Variants in HPSE2 observed in about 807,000 individuals in gnomAD.
HPSE2 encodes inactive heparanase-2.
Under a neutral mutation model 60.5 loss-of-function variants are expected in HPSE2, and 38 were observed. The observed-to-expected ratio is 0.63, with a 90% CI of 0.48 to 0.82. The LOEUF (loss-of-function observed/expected upper bound fraction) is 0.82, where lower values mean the gene tolerates loss of function less well. Ranked by LOEUF, HPSE2 falls within the 40% of genes least tolerant of loss-of-function variation. The probability of loss-of-function intolerance (pLI) is 0.00; values close to 1 mark genes in which losing one functional copy is unlikely to be tolerated. For missense variants in HPSE2, 713 were observed against 740.4 expected (o/e 0.96, Z 0.43); for synonymous variants, 295 against 293.2 (o/e 1.01, Z -0.06).
In HPSE2 at chr10:98,929,617, C is replaced by T. The variant is rs1005070713; in HGVS notation, c.611-185561G>A. 7.0e-5 allele frequency among the ~76,000 whole-genome samples: 10 copies of T among 143,512 alleles called. 1 individual carries two copies. The highest frequency in any genetic ancestry group is 1.0e-4 in the Non-Finnish European group (7 of 67,084). The allele number at this position is 143,512 out of a possible 152,430, so 94.1% of individuals were successfully genotyped here. On this transcript the variant is annotated intron_variant, in intron 3 of 11. Coordinates refer to ENST00000370552, the MANE Select transcript of HPSE2 (RefSeq NM_021828.5). The stretch of plus-strand genomic sequence containing the variant: ...TGAAAGACTATAGATAAGAGGCTTG[C>T]TCTGGAGTGACCCAGAATTGTTTAA...
the HPSE2 span, among the ~76,000 whole-genome samples, chr10:99,280,899 G>A: frequency 6.6e-6 from 1 of 151,980 alleles, no homozygotes; most frequent in Non-Finnish European, 1.5e-5. Context: ...TATGTGTGAG[G>A]TACAGCTCTA....
intron 3 of HPSE2, among the ~76,000 whole-genome samples, chr10:98,850,507 C>T (rs1035998665): frequency 7.9e-5 from 12 of 151,960 alleles, no homozygotes; most frequent in East Asian, 5.8e-4. Flanking sequence ...GAGGCCGAAG[C>T]GGGCAGATCA....
chr10:99,222,193 A>G (rs559535613), intron 2 of HPSE2, among the ~76,000 whole-genome samples: 34 of 152,248 alleles, frequency 2.2e-4, no homozygotes, highest in Admixed American at 8.5e-4. Flanking sequence ...CTGCTATGTT[A>G]TAACAGGGGT....
intron 4 of HPSE2, among the ~76,000 whole-genome samples, chr10:98,742,885 C>T (rs1949533735): frequency 6.6e-6 from 1 of 151,880 alleles, no homozygotes; most frequent in South Asian, 2.1e-4. Context: ...CTATGAGTCC[C>T]CTCGTTAAAA....
At chr10:99,264,244 T>A in the HPSE2 span, among the ~76,000 whole-genome samples, 2 of 152,012 alleles carry the variant, frequency 1.3e-5, no homozygotes, top group African/African-American at 4.8e-5. Context: ...CCCACCACCA[T>A]GCCCGGCTAA....
the HPSE2 span, among the ~76,000 whole-genome samples, chr10:99,268,398 C>A: frequency 1.3e-5 from 2 of 152,000 alleles, no homozygotes; most frequent in African/African-American, 2.4e-5. Context: ...AATCCCAGCA[C>A]TTTGGGAGGC....
chr10:99,297,551 T>C, the HPSE2 span, among the ~76,000 whole-genome samples: 1 of 152,270 alleles, frequency 6.6e-6, no homozygotes, highest in African/African-American at 2.4e-5. Flanking sequence ...CATTGTATTG[T>C]TCCATCAGTC....
At chr10:98,511,989 T>C (rs1253757985) in intron 9 of HPSE2, among the ~76,000 whole-genome samples, 1 of 152,210 alleles carries the variant, frequency 6.6e-6, no homozygotes. Flanking sequence ...TAGGCACAAA[T>C]GCTAAACCAG....
chr10:98,900,719 T>C (rs1448871479), intron 3 of HPSE2, among the ~76,000 whole-genome samples: 1 of 152,208 alleles, frequency 6.6e-6, no homozygotes, highest in Non-Finnish European at 1.5e-5. Flanking sequence ...TAATATTAAA[T>C]GTTGGTGAAG....
intron 3 of HPSE2, among the ~76,000 whole-genome samples, chr10:99,049,602 T>C (rs1244718297): frequency 1.3e-5 from 2 of 151,998 alleles, no homozygotes; most frequent in African/African-American, 4.8e-5. Context: ...CAGAGGGCAG[T>C]AGACTGACAT....
intron 3 of HPSE2, among the ~76,000 whole-genome samples, chr10:99,058,093 T>C (rs1181904808): frequency 2.0e-5 from 3 of 152,122 alleles, no homozygotes; most frequent in Non-Finnish European, 2.9e-5. Context: ...AAGGCTGCAA[T>C]TGGAGAAGCA....
At chr10:98,780,369 A>T (rs1950437215) in intron 3 of HPSE2, among the ~76,000 whole-genome samples, 1 of 152,170 alleles carries the variant, frequency 6.6e-6, no homozygotes, top group African/African-American at 2.4e-5. Flanking sequence ...AAGGTATTTC[A>T]TTTGTACTTA....
intron 3 of HPSE2, among the ~76,000 whole-genome samples, chr10:98,768,947 C>G (rs2801412): frequency 0.054 from 8,252 of 151,994 alleles, 719 homozygotes; most frequent in African/African-American, 0.18. Context: ...CTACTCAGAC[C>G]GAAGCAGGAG....
At chr10:99,286,393 T>C in the HPSE2 span, among the ~76,000 whole-genome samples, 1 of 152,118 alleles carries the variant, frequency 6.6e-6, no homozygotes, top group African/African-American at 2.4e-5. Flanking sequence ...GCCATAAAAA[T>C]GAATGAACCT....
intron 9 of HPSE2, among the ~76,000 whole-genome samples, chr10:98,524,775 G>C (rs1273561180): frequency 6.6e-6 from 1 of 152,162 alleles, no homozygotes; most frequent in Non-Finnish European, 1.5e-5. Context: ...TACAAGCTGT[G>C]AAATACAAGT....
At chr10:99,172,180 C>T (rs1248655169) in intron 2 of HPSE2, among the ~76,000 whole-genome samples, 1 of 152,170 alleles carries the variant, frequency 6.6e-6, no homozygotes, top group African/African-American at 2.4e-5. Flanking sequence ...CAAGCCTTGC[C>T]TCCCTCCTTC....
chr10:98,484,197 T>A (rs144494112), intron 10 of HPSE2, among the ~76,000 whole-genome samples: 2 of 152,200 alleles, frequency 1.3e-5, no homozygotes, highest in East Asian at 3.9e-4. Context: ...CCTTCCTTCC[T>A]TCCTTCTTTT....
intron 3 of HPSE2, among the ~76,000 whole-genome samples, chr10:98,757,968 C>T (rs1949916021): frequency 6.6e-6 from 1 of 152,090 alleles, no homozygotes; most frequent in Admixed American, 6.6e-5. Context: ...ACCAAAACAG[C>T]ACAGTACTGG....
chr10:98,555,143 T>G (rs1462306590), intron 9 of HPSE2, among the ~76,000 whole-genome samples: 2 of 152,206 alleles, frequency 1.3e-5, no homozygotes, highest in Admixed American at 6.5e-5. Context: ...TCCTTTCAGC[T>G]CTAAGGACTT....
Sources: gnomAD v4.1 joint callset for allele counts (sites outside exome capture counted in the v4.1 genomes callset) on GRCh38, gnomAD v4.1.1 for gene constraint, MANE v1.5 for transcripts, NCBI Gene and HGNC (gene_info 2026-07-23, HGNC 2026-07-21) for gene names.